Variants in CCDC183 observed in about 807,000 individuals in gnomAD.
The protein encoded by CCDC183 is coiled-coil domain containing 183.
In CCDC183, 63 loss-of-function variants were observed where a neutral mutation model predicts 65.2. That is an observed-to-expected ratio of 0.97 (90% CI 0.79 to 1.19). CCDC183 has a LOEUF of 1.19. Ranked by LOEUF, CCDC183 falls within the 50% of genes most tolerant of loss-of-function variation. CCDC183 has a pLI of 0.00. For missense variants in CCDC183, 769 were observed against 689.3 expected (o/e 1.12, Z -1.30); for synonymous variants, 323 against 276.5 (o/e 1.17, Z -1.67).
At chr9:136,800,849 A>C (rs1310537392) in intron 5 of CCDC183, 1 of 220,686 alleles carries the variant, frequency 4.5e-6, no homozygotes, top group Non-Finnish European at 9.0e-6. Flanking sequence ...TGGGCCTGTA[A>C]GCAGGGCTTG....
At chr9:136,807,169 G>A (rs1206613769) in intron 13 of CCDC183, 103 bp downstream of exon 13, 8 of 1,012,740 alleles carry the variant, frequency 7.9e-6, no homozygotes, top group African/African-American at 1.6e-5. Context: ...GAGGGACAGC[G>A]GGGCTACAGG....
In CCDC183 at chr9:136,804,762, G is replaced by A; in HGVS notation, c.793G>A (p.Gly265Ser). The change falls in exon 8 of 14, where the codon GGC (glycine) becomes AGC (serine). Residue 265 changes from glycine to serine, a missense_variant and splice_region_variant. By Grantham distance (56) the Gly-to-Ser change is moderately conservative. Transcript: ENST00000338005. This position sits in a 1 kb window ranked among gnomAD's most constrained non-coding sequence, Gnocchi z 4.1. ...CTTCCCCGCCCCCACCTCCCATCAGGGCCAGATGGACTTGGACTTCCCCTC... is the reference window on the plus strand; with the variant it reads ...CTTCCCCGCCCCCACCTCCCATCAGAGCCAGATGGACTTGGACTTCCCCTC... ...TKETSEKYRR[G>S]QMDLDFPSNL... 2 of 1,613,838 alleles carry A rather than the reference G, an allele frequency of 1.2e-6. No homozygotes were observed. Among genetic ancestry groups the A allele is most frequent in the East Asian group, 2.2e-5 (1 of 44,876 alleles).
intron 1 of CCDC183, among the ~76,000 whole-genome samples, chr9:136,798,028 C>T (rs775422051): frequency 3.9e-5 from 6 of 152,156 alleles, no homozygotes; most frequent in East Asian, 1.9e-4. Context: ...TATTTTGAGA[C>T]GCAGTCTCGC....
rs756717959 is a variant in CCDC183, at chr9:136,805,406, G to A, written c.897G>A (p.Val299=). The A allele has an allele frequency of 1.2e-6, 2 of 1,613,948 alleles. No individual in the cohort carries two copies. Among genetic ancestry groups the A allele is most frequent in the African/African-American group, 1.3e-5 (1 of 74,930 alleles). ...CAGAAATGGAATACCAGTCGGGCGT[G>A]ACTGCTGTGGTGGAGAAGGTCAAGA... ...STAEMEYQSG[V]TAVVEKVKSA... The change falls in exon 9 of 14, where the codon GTG becomes GTA. Residue 299 remains valine (V), a synonymous_variant. Transcript: ENST00000338005.
chr9:136,799,967 G>A (rs1324235252), intron 3 of CCDC183, 35 bp from the exon 4 acceptor site: 4 of 1,562,290 alleles, frequency 2.6e-6, no homozygotes, highest in Non-Finnish European at 2.6e-6. Context: ...GGCCCCCTAC[G>A]CAACCACGAG....
chr9:136,800,549 G>A, intron 5 of CCDC183, 56 bp downstream of exon 5: 1 of 1,329,342 alleles, frequency 7.5e-7, no homozygotes, highest in Non-Finnish European at 1.1e-6. Context: ...TGGGAGGGGC[G>A]GGAGCGTCCT....
chr9:136,802,536 T>TG, intron 5 of CCDC183, 128 bp from the exon 6 acceptor site: 1 of 1,281,484 alleles, frequency 7.8e-7, no homozygotes. Context: ...CAGCGGGGAG[T>TG]GGGGGAGGTG....
At chr9:136,799,059 T>G in intron 1 of CCDC183, 43 bp from the exon 2 acceptor site, 1 of 1,609,754 alleles carries the variant, frequency 6.2e-7, no homozygotes, top group Non-Finnish European at 8.5e-7. Flanking sequence ...GGCCAGGCCC[T>G]TGGCCCAATC....
At position 136,803,232 on chromosome 9, in the gene CCDC183, A is replaced by G. The variant is rs959569247; in HGVS notation, c.666+446A>G. The stretch of plus-strand genomic sequence containing the variant: ...CCAGGGCTGGGGGCCCCCCAGGGCC[A>G]GCCCTCTTGGATCTTCGGATGGGGT... On this transcript the variant is annotated intron_variant, in intron 6 of 13. Coordinates refer to ENST00000338005, the MANE Select transcript of CCDC183 (RefSeq NM_001039374.5). Among the ~76,000 whole-genome samples, 72 of 74,016 alleles carry G rather than the reference A, an allele frequency of 9.7e-4. 2 individuals carry two copies. Among genetic ancestry groups the G allele is most frequent in the African/African-American group, 1.5e-3 (24 of 15,692 alleles). 48.6% of individuals were successfully genotyped at this position (74,016 alleles called of 152,430 possible).
chr9:136,797,481 C>T (rs978996185), intron 1 of CCDC183, among the ~76,000 whole-genome samples: 3 of 151,590 alleles, frequency 2.0e-5, no homozygotes, highest in African/African-American at 7.3e-5. Context: ...CTCTGTTGCC[C>T]AGACGGCAGT....
chr9:136,802,548 C>T, intron 5 of CCDC183, 116 bp from the exon 6 acceptor site: 1 of 1,422,934 alleles, frequency 7.0e-7, no homozygotes, highest in Non-Finnish European at 9.4e-7. Context: ...GGGGAGGTGG[C>T]TGGGGCCACA....
Position 136,807,050 on chromosome 9 carries a change from G to A in CCDC183, c.1470G>A (p.Arg490=). ...ACACCAGGATCAGCTTTGAGAACCG[G>A]GAGGAGGATATGATCGGTACAGGCC... ...KYNTRISFEN[R]EEDMIDTFQF... is the part of the protein sequence containing the mutation. Residue 490 remains arginine (R), a synonymous_variant, in exon 13 of 14, where the codon CGG becomes CGA. Transcript: ENST00000338005. 3 of 1,613,314 alleles carry A rather than the reference G, an allele frequency of 1.9e-6. No individual in the cohort carries two copies. Among genetic ancestry groups the A allele is most frequent in the Non-Finnish European group, 8.5e-7 (1 of 1,179,996 alleles).
rs1847814146 is a variant in CCDC183 at position 136,804,828 on chromosome 9, G to C, written c.847+12G>C. The stretch of plus-strand genomic sequence containing the variant: ...GGAGACCCTGAAATGTAAGCGCTCA[G>C]CTCCCCACCTGCCCCCAGCCAGGGT... On this transcript the variant is annotated intron_variant, in intron 8 of 13. Transcript: ENST00000338005. This position sits in a 1 kb window ranked among gnomAD's most constrained non-coding sequence, Gnocchi z 4.1. The C allele has an allele frequency of 6.2e-6, 10 of 1,612,950 alleles. No homozygotes were observed. Among genetic ancestry groups the C allele is most frequent in the Non-Finnish European group, 7.6e-6 (9 of 1,179,262 alleles).
chr9:136,805,665 AT>A (rs1222963255), intron 9 of CCDC183: 2 of 570,254 alleles, frequency 3.5e-6, no homozygotes, highest in East Asian at 5.8e-5. Flanking sequence ...ATCTGCGTTT[AT>A]TATTATTAGG....
At chr9:136,798,352 G>A (rs1280869601) in intron 1 of CCDC183, among the ~76,000 whole-genome samples, 1 of 151,242 alleles carries the variant, frequency 6.6e-6, no homozygotes, top group Admixed American at 6.6e-5. Flanking sequence ...TCCAGGTGGA[G>A]TGCAGTGGTG....
rs369069859 is a variant in CCDC183, at chr9:136,802,613, G to A, written c.544-51G>A. ...CTTAGTCGGGGGATAAAAGCTCGGG[G>A]CAACTGCAGCCCACTCTGTAGGGGC... is the stretch of plus-strand genomic sequence containing the variant. On this transcript the variant is annotated intron_variant, in intron 5 of 13. Coordinates refer to ENST00000338005, the MANE Select transcript of CCDC183 (RefSeq NM_001039374.5). The A allele has an allele frequency of 3.7e-5, 58 of 1,553,590 alleles. No homozygotes were observed. In the African/African-American group the frequency reaches 6.5e-4, roughly 17 times the overall value.
intron 5 of CCDC183, among the ~76,000 whole-genome samples, chr9:136,801,057 G>T (rs1471658363): frequency 6.6e-6 from 1 of 152,248 alleles, no homozygotes; most frequent in East Asian, 1.9e-4. Context: ...CTGTGGATGG[G>T]GCGGGGAGCC....
rs969013086 is a variant in CCDC183, at chr9:136,804,886, C to T, written c.847+70C>T. On this transcript the variant is annotated intron_variant, in intron 8 of 13. Transcript: ENST00000338005. This position sits in a 1 kb window ranked among gnomAD's most constrained non-coding sequence, Gnocchi z 4.1. ...AGAGGCTGGCACTGATTCAGGCCAACGGATCAAGTCACCCTGAGGCCAGGT... is the reference window on the plus strand; with the variant it reads ...AGAGGCTGGCACTGATTCAGGCCAATGGATCAAGTCACCCTGAGGCCAGGT... 26 of 1,366,850 alleles carry T rather than the reference C, an allele frequency of 1.9e-5. No individual in the cohort carries two copies. In the Middle Eastern group the frequency reaches 5.4e-4, roughly 28 times the overall value. The allele number at this position is 1,366,850 out of a possible 1,614,324, so 84.7% of individuals were successfully genotyped here. A position where few individuals can be genotyped will look rare whatever the true frequency, so the allele number is the denominator to read the frequency against.
chr9:136,799,735 A>G lies in CCDC183; in HGVS notation c.215A>G (p.Lys72Arg). The stretch of plus-strand genomic sequence containing the variant: ...CAGTATGACCAGTGGACCATCTCCA[A>G]GGCCTGCGGGAAAAACTTGCCTTTG... ...AKKYDQWTIS[K>R]ACGKNLPLRL... The change falls in exon 3 of 14, where the codon AAG becomes AGG. Residue 72 changes from lysine (K) to arginine (R), a missense_variant. Transcript: ENST00000338005. The G allele has an allele frequency of 6.2e-7, 1 of 1,613,206 alleles. No homozygotes were observed. The highest frequency in any genetic ancestry group is 8.5e-7 in the Non-Finnish European group (1 of 1,179,924).
Sources: gnomAD v4.1 joint callset for allele counts (sites outside exome capture counted in the v4.1 genomes callset) on GRCh38, gnomAD v4.1.1 for gene constraint, Gnocchi (gnomAD v3.1) non-coding constraint, MANE v1.5 for transcripts, NCBI Gene and HGNC (gene_info 2026-07-23, HGNC 2026-07-21) for gene names.